The following CDH12 variants were observed in gnomAD, a reference collection of about 807,000 sequenced individuals.
The protein encoded by CDH12 is cadherin-12.
In CDH12, 41 loss-of-function variants were observed where a neutral mutation model predicts 74.1. The ratio of observed to expected loss-of-function variants is 0.55; its 90% CI spans 0.43 to 0.72. CDH12 has a LOEUF of 0.72. Ranked by LOEUF, CDH12 falls within the 30% of genes least tolerant of loss-of-function variation. The probability of loss-of-function intolerance (pLI) is 0.00; values close to 1 mark genes in which losing one functional copy is unlikely to be tolerated. For missense variants in CDH12, 945 were observed against 977.2 expected (o/e 0.97, Z 0.44); for synonymous variants, 399 against 355.0 (o/e 1.12, Z -1.39).
At chr5:22,100,800 T>C (rs999112904) in intron 4 of CDH12, among the ~76,000 whole-genome samples, 3 of 152,146 alleles carry the variant, frequency 2.0e-5, no homozygotes, top group African/African-American at 7.2e-5. Context: ...GTTGTGGTCC[T>C]CCTGAATTTC....
intron 1 of CDH12, among the ~76,000 whole-genome samples, chr5:22,706,746 A>G (rs563146401): frequency 2.1e-4 from 32 of 152,246 alleles, no homozygotes; most frequent in Middle Eastern, 3.5e-3. Context: ...TTAAATTTCC[A>G]TATTTGAATT....
intron 5 of CDH12, among the ~76,000 whole-genome samples, chr5:22,076,287 T>A (rs1202663791): frequency 1.3e-5 from 2 of 152,132 alleles, no homozygotes; most frequent in Non-Finnish European, 2.9e-5. Context: ...ACCGCAATTA[T>A]AAAGTGGAAT....
chr5:22,258,715 A>G (rs1303862888), intron 3 of CDH12, among the ~76,000 whole-genome samples: 1 of 152,066 alleles, frequency 6.6e-6, no homozygotes, highest in Non-Finnish European at 1.5e-5. Context: ...CTATGTTTAG[A>G]TATTTTTAGA....
intron 4 of CDH12, among the ~76,000 whole-genome samples, chr5:22,106,131 G>A (rs1414144610): frequency 6.6e-6 from 1 of 152,098 alleles, no homozygotes; most frequent in Non-Finnish European, 1.5e-5. Flanking sequence ...TCTACTTGAG[G>A]GTGGAGGGTG....
At chr5:22,800,402 G>A (rs1207025741) in intron 1 of CDH12, among the ~76,000 whole-genome samples, 1 of 152,024 alleles carries the variant, frequency 6.6e-6, no homozygotes, top group Non-Finnish European at 1.5e-5. Flanking sequence ...ATATTTTTTA[G>A]GGTAGTTTTA....
intron 11 of CDH12, among the ~76,000 whole-genome samples, chr5:21,766,774 T>G (rs1192675126): frequency 6.6e-6 from 1 of 151,984 alleles, no homozygotes; most frequent in African/African-American, 2.4e-5. Flanking sequence ...TAATGCCTAA[T>G]ACTTTAGAAT....
intron 5 of CDH12, among the ~76,000 whole-genome samples, chr5:22,058,689 GAAGA>G (rs1353421611): frequency 2.9e-5 from 3 of 103,630 alleles, no homozygotes; most frequent in Admixed American, 1.1e-4. Context: ...AAGAAAGAAA[GAAGA>G]AAGAAAGAAG....
chr5:22,786,894 G>GT (rs1747654794), intron 1 of CDH12, among the ~76,000 whole-genome samples: 1 of 151,532 alleles, frequency 6.6e-6, no homozygotes, highest in Non-Finnish European at 1.5e-5. Context: ...AATTTTTTGT[G>GT]TTTTTAATAG....
intron 6 of CDH12, among the ~76,000 whole-genome samples, chr5:21,936,440 T>G (rs543155317): frequency 3.3e-5 from 5 of 152,306 alleles, no homozygotes; most frequent in African/African-American, 1.2e-4. Context: ...ATTAAATATT[T>G]ACCTTGTCTC....
At chr5:22,312,176 T>G (rs1264111289) in intron 3 of CDH12, among the ~76,000 whole-genome samples, 1 of 152,004 alleles carries the variant, frequency 6.6e-6, no homozygotes, top group Non-Finnish European at 1.5e-5. Context: ...ACATTACGAT[T>G]AACAAAAATA....
At chr5:22,202,303 C>A (rs1750972812) in intron 4 of CDH12, among the ~76,000 whole-genome samples, 1 of 151,994 alleles carries the variant, frequency 6.6e-6, no homozygotes, top group African/African-American at 2.4e-5. Context: ...AGCTTACAGT[C>A]CCATTGGAGC....
At chr5:22,435,092 G>A (rs149516853) in intron 2 of CDH12, among the ~76,000 whole-genome samples, 1,548 of 152,220 alleles carry the variant, frequency 0.01, 11 homozygotes, top group Non-Finnish European at 0.011. Flanking sequence ...GTTGCCAAAG[G>A]AGATTAACAT....
At chr5:22,741,747 G>T (rs1745034800) in intron 1 of CDH12, among the ~76,000 whole-genome samples, 1 of 152,138 alleles carries the variant, frequency 6.6e-6, no homozygotes, top group Non-Finnish European at 1.5e-5. Context: ...TCAAGCATTG[G>T]ATCAGAAACT....
At chr5:21,842,026 A>T in intron 8 of CDH12, 135 bp downstream of exon 8, 1 of 704,250 alleles carries the variant, frequency 1.4e-6, no homozygotes, top group Non-Finnish European at 2.4e-6. Context: ...AAAGATTTGT[A>T]ATTTTTAATC....
At chr5:21,972,833 AT>A (rs1190674294) in intron 6 of CDH12, among the ~76,000 whole-genome samples, 1 of 152,038 alleles carries the variant, frequency 6.6e-6, no homozygotes, top group Non-Finnish European at 1.5e-5. Flanking sequence ...TAAATTTAGT[AT>A]AAAAACACTT....
At chr5:21,966,358 T>C (rs1480837996) in intron 6 of CDH12, among the ~76,000 whole-genome samples, 2 of 152,072 alleles carry the variant, frequency 1.3e-5, no homozygotes, top group Non-Finnish European at 2.9e-5. Flanking sequence ...TGGTCTCTGT[T>C]GCCAGCTCTT....
At chr5:22,564,021 G>A (rs1739181040) in intron 1 of CDH12, among the ~76,000 whole-genome samples, 1 of 151,942 alleles carries the variant, frequency 6.6e-6, no homozygotes. Flanking sequence ...AAAACATATC[G>A]ATTATATAAA....
intron 3 of CDH12, among the ~76,000 whole-genome samples, chr5:22,228,473 A>G (rs1311023811): frequency 6.6e-6 from 1 of 152,074 alleles, no homozygotes; most frequent in African/African-American, 2.4e-5. Flanking sequence ...CTAATGAAAA[A>G]CTTCAGATTA....
intron 6 of CDH12, among the ~76,000 whole-genome samples, chr5:21,880,466 CTTT>C (rs1752186257): frequency 9.1e-6 from 1 of 110,114 alleles, no homozygotes; most frequent in Non-Finnish European, 1.8e-5. Context: ...TTCCTTCCTT[CTTT>C]CCTTCCTTCC....
Sources: gnomAD v4.1 joint callset for allele counts (sites outside exome capture counted in the v4.1 genomes callset) on GRCh38, gnomAD v4.1.1 for gene constraint, MANE v1.5 for transcripts, NCBI Gene and HGNC (gene_info 2026-07-23, HGNC 2026-07-21) for gene names.